EZH2: variants seen among roughly 807,000 people sequenced by gnomAD.
EZH2 encodes the protein histone-lysine N-methyltransferase EZH2.
In EZH2, 18 loss-of-function variants were observed where a neutral mutation model predicts 98.4. The observed-to-expected ratio is 0.18, with a 90% confidence interval of 0.13 to 0.27. The LOEUF is 0.27. EZH2 is among the 10% of genes least tolerant of loss of function. EZH2 has a pLI of 1.00. For synonymous variants in EZH2, 338 were observed against 312.3 expected (o/e 1.08, Z -0.87); for missense variants, 470 against 935.1 (o/e 0.50, Z 6.49).
chr7:148,838,748 T>G (rs1354978687), intron 3 of EZH2, among the ~76,000 whole-genome samples: 1 of 152,112 alleles, frequency 6.6e-6, no homozygotes, highest in African/African-American at 2.4e-5. Flanking sequence ...TACAAAGTAG[T>G]AGAGGTTCAA....
intron 10 of EZH2, 36 bp from the exon 11 acceptor site, chr7:148,817,427 A>C: frequency 6.3e-7 from 1 of 1,595,720 alleles, no homozygotes; most frequent in Non-Finnish European, 8.5e-7. Context: ...TCAAGAAATG[A>C]TTGGAAATAA....
chr7:148,834,843 C>A (rs1294716621), intron 3 of EZH2, among the ~76,000 whole-genome samples: 1 of 152,162 alleles, frequency 6.6e-6, no homozygotes, highest in African/African-American at 2.4e-5. Context: ...ATGTTGCAGG[C>A]ACTGTGCTAA....
chr7:148,810,896 C>CAAAAAAAAAAAAAAAAAA (rs924758768), intron 16 of EZH2, among the ~76,000 whole-genome samples: 1 of 43,676 alleles, frequency 2.3e-5, no homozygotes, highest in African/African-American at 8.6e-5. Flanking sequence ...AACTCTGTCT[C>CAAAAAAAAAAAAAAAAAA]AAAAAAAAAA....
intron 3 of EZH2, among the ~76,000 whole-genome samples, chr7:148,843,645 G>A (rs1380226612): frequency 7.6e-6 from 1 of 131,524 alleles, no homozygotes; most frequent in African/African-American, 3.1e-5. Flanking sequence ...GCCCAGGCTG[G>A]AGTGCAGTGG....
At chr7:148,858,431 G>T (rs1311104030) in intron 1 of EZH2, among the ~76,000 whole-genome samples, 1 of 152,056 alleles carries the variant, frequency 6.6e-6, no homozygotes, top group African/African-American at 2.4e-5. Flanking sequence ...GAACATCTGG[G>T]CCCAAATGAT....
intron 1 of EZH2, among the ~76,000 whole-genome samples, chr7:148,872,312 G>A (rs561322883): frequency 1.3e-5 from 2 of 152,284 alleles, no homozygotes; most frequent in South Asian, 2.1e-4. Flanking sequence ...AAGTAGAAAG[G>A]TGGCTGCCAA....
intron 4 of EZH2, among the ~76,000 whole-genome samples, chr7:148,830,551 T>C (rs1213060535): frequency 6.6e-6 from 1 of 152,222 alleles, no homozygotes; most frequent in Non-Finnish European, 1.5e-5. Flanking sequence ...ATACAGAGTA[T>C]TGATAGTCCA....
chr7:148,809,244 A>T, intron 18 of EZH2, 66 bp downstream of exon 18: 1 of 1,584,182 alleles, frequency 6.3e-7, no homozygotes, highest in African/African-American at 1.3e-5. Context: ...ACTATCCCAG[A>T]AGTATTCAAG....
intron 1 of EZH2, among the ~76,000 whole-genome samples, chr7:148,854,863 T>C (rs1216041835): frequency 6.6e-6 from 1 of 152,222 alleles, no homozygotes; most frequent in East Asian, 1.9e-4. Flanking sequence ...TATACTGAAA[T>C]TTAAATCAAT....
intron 1 of EZH2, among the ~76,000 whole-genome samples, chr7:148,871,794 C>T (rs1394011950): frequency 6.6e-6 from 1 of 152,006 alleles, no homozygotes; most frequent in Admixed American, 6.6e-5. Flanking sequence ...AGGCTGGTCT[C>T]GAACTCCTGG....
intron 1 of EZH2, among the ~76,000 whole-genome samples, chr7:148,874,415 A>C (rs937651597): frequency 4.6e-5 from 7 of 151,774 alleles, no homozygotes; most frequent in African/African-American, 1.7e-4. Context: ...AAAAAAAAAC[A>C]CCTATCAGAG....
chr7:148,823,438 A>G (rs1014703219), intron 8 of EZH2, among the ~76,000 whole-genome samples: 3 of 152,204 alleles, frequency 2.0e-5, no homozygotes, highest in African/African-American at 7.2e-5. Flanking sequence ...TCCTATCCTT[A>G]TTCCAAAAAA....
Position 148,822,140 on chromosome 7 carries a change from A to G in EZH2, c.908-2453T>C, listed in dbSNP as rs186801557. On this transcript the variant is annotated intron_variant, in intron 8 of 19. Coordinates refer to ENST00000320356, the MANE Select transcript of EZH2 (RefSeq NM_004456.5). ...TGTTTTTAAAAATGAAGCCTAAAAC[A>G]TACTAGAAAAAGTGAGAAACGCTTT... 8.6e-5 allele frequency among the ~76,000 whole-genome samples: 13 copies of G among 151,622 alleles called. No individual in the cohort carries two copies. In the East Asian group the frequency reaches 2.3e-3, roughly 27 times the overall value.
chr7:148,854,814 A>G (rs1816537600), intron 1 of EZH2, among the ~76,000 whole-genome samples: 1 of 152,232 alleles, frequency 6.6e-6, no homozygotes, highest in Non-Finnish European at 1.5e-5. Context: ...ATCATTTGGC[A>G]ATTTCATTTA....
At chr7:148,834,310 G>A (rs1328242547) in intron 3 of EZH2, among the ~76,000 whole-genome samples, 2 of 149,486 alleles carry the variant, frequency 1.3e-5, no homozygotes, top group Non-Finnish European at 3.0e-5. Context: ...CAAAAAAGAA[G>A]TGTAGTAAAA....
At chr7:148,882,311 A>G (rs997737344) in intron 1 of EZH2, among the ~76,000 whole-genome samples, 1 of 152,178 alleles carries the variant, frequency 6.6e-6, no homozygotes, top group Non-Finnish European at 1.5e-5. Flanking sequence ...AAGAACGCCT[A>G]TGTTTTTCTA....
chr7:148,830,653 T>C (rs1809118883), intron 4 of EZH2, among the ~76,000 whole-genome samples: 1 of 152,186 alleles, frequency 6.6e-6, no homozygotes, highest in Non-Finnish European at 1.5e-5. Flanking sequence ...ATGAATGAGA[T>C]GAATATCAAA....
At chr7:148,845,026 C>G (rs79353083) in intron 3 of EZH2, among the ~76,000 whole-genome samples, 2 of 152,094 alleles carry the variant, frequency 1.3e-5, no homozygotes, top group Non-Finnish European at 2.9e-5. Flanking sequence ...TACAAAGTAC[C>G]TAGCACAGTG....
intron 10 of EZH2, 75 bp downstream of exon 10, chr7:148,817,802 T>A (rs769190984): frequency 6.3e-7 from 1 of 1,581,028 alleles, no homozygotes; most frequent in Admixed American, 1.7e-5. Flanking sequence ...AATTATTCAA[T>A]GCATTATACA....
Sources: allele counts gnomAD v4.1 joint callset (sites outside exome capture counted in the v4.1 genomes callset), GRCh38; gene constraint gnomAD v4.1.1; transcripts MANE v1.5; gene names NCBI Gene and HGNC (gene_info 2026-07-23, HGNC 2026-07-21).